Variants in C13orf42 observed in about 807,000 individuals in gnomAD.
The protein encoded by C13orf42 is chromosome 13 open reading frame 42.
rs934249443 is a variant in C13orf42 at position 51,136,039 on chromosome 13, C to T, written n.137-22817G>A. On this transcript the variant is annotated intron_variant and non_coding_transcript_variant, in intron 1 of 4. Coordinates refer to the C13orf42 transcript ENST00000433280. ...CCTCCACCCCTAGGGGCCAAGGTCA[C>T]GGGTGAGAGTTAAGAGTCCCATCCA... Among the ~76,000 whole-genome samples, 89 of 152,262 alleles carry T rather than the reference C, an allele frequency of 5.8e-4. No homozygotes were observed. In the Middle Eastern group the frequency reaches 0.014, roughly 23 times the overall value.
intron 1 of C13orf42, among the ~76,000 whole-genome samples, chr13:51,160,402 C>T (rs1199112612): frequency 1.3e-5 from 2 of 152,146 alleles, no homozygotes; most frequent in Admixed American, 6.5e-5. Flanking sequence ...CCCAGCTACT[C>T]GGGAGGCTGA....
At chr13:51,114,030 T>G (rs925447970), upstream of C13orf42, among the ~76,000 whole-genome samples, 1 of 152,212 alleles carries the variant, frequency 6.6e-6, no homozygotes, top group African/African-American at 2.4e-5. Flanking sequence ...TTCTCAAATG[T>G]AAAGTGCAGA....
intron 1 of C13orf42, chr13:51,161,788 A>C (rs993424505): frequency 3.2e-6 from 1 of 312,798 alleles, no homozygotes; most frequent in Admixed American, 3.6e-5. Context: ...TTGATTTCAG[A>C]ACCATAACCA....
chr13:51,133,340 T>C lies in C13orf42; in HGVS notation n.137-20118A>G, dbSNP rs547999401. 1.1e-4 allele frequency among the ~76,000 whole-genome samples: 17 copies of C among 152,204 alleles called. No individual in the cohort carries two copies. In the East Asian group the frequency reaches 2.9e-3, roughly 26 times the overall value. ...GAGAGGGGAGGACGGGGAGTTGCTA[T>C]TTAATAGGCACAGAGTTTCTGTTTG... On this transcript the variant is annotated intron_variant and non_coding_transcript_variant, in intron 1 of 4. Transcript: ENST00000433280.
At chr13:51,134,647 A>C (rs890638544) in intron 1 of C13orf42, among the ~76,000 whole-genome samples, 1 of 152,226 alleles carries the variant, frequency 6.6e-6, no homozygotes, top group Non-Finnish European at 1.5e-5. Flanking sequence ...CAGCATCAAA[A>C]ACCTGCTGGG....
chr13:51,128,177 A>G (rs569580133), intron 1 of C13orf42, among the ~76,000 whole-genome samples: 2 of 152,352 alleles, frequency 1.3e-5, no homozygotes, highest in African/African-American at 4.8e-5. Context: ...AATAACCATA[A>G]AAATGGGCAA....
chr13:51,123,977 C>A (rs2138016160), intron 1 of C13orf42, among the ~76,000 whole-genome samples: 1 of 152,302 alleles, frequency 6.6e-6, no homozygotes, highest in South Asian at 2.1e-4. Flanking sequence ...GGCTGGAATT[C>A]TAAATATTAC....
At chr13:51,133,329 G>A (rs1953633305) in intron 1 of C13orf42, among the ~76,000 whole-genome samples, 1 of 152,140 alleles carries the variant, frequency 6.6e-6, no homozygotes, top group African/African-American at 2.4e-5. Context: ...GGGGAGGACG[G>A]GGAGTTGCTA....
intron 1 of C13orf42, among the ~76,000 whole-genome samples, chr13:51,102,211 C>A (rs545575570): frequency 6.6e-6 from 1 of 152,162 alleles, no homozygotes; most frequent in African/African-American, 2.4e-5. Context: ...TCACAGAAAA[C>A]CTGCATTTTA....
At chr13:51,086,326 AC>A (rs1429874448) in intron 2 of C13orf42, among the ~76,000 whole-genome samples, 1 of 145,052 alleles carries the variant, frequency 6.9e-6, no homozygotes. Flanking sequence ...ACAAAAAAAA[AC>A]AAAAAAAAAA....
chr13:51,114,645 TAG>T (rs750768864), upstream of C13orf42, among the ~76,000 whole-genome samples: 51,891 of 117,682 alleles, frequency 0.44, 9,445 homozygotes, highest in East Asian at 0.51. Flanking sequence ...GATAGATAGA[TAG>T]AGATAGACAG....
chr13:51,096,357 T>A (rs1191904077), intron 1 of C13orf42, among the ~76,000 whole-genome samples: 2 of 152,188 alleles, frequency 1.3e-5, no homozygotes, highest in South Asian at 2.1e-4. Flanking sequence ...AGGCGCTGTG[T>A]CCCTGGGGAT....
intron 1 of C13orf42, among the ~76,000 whole-genome samples, chr13:51,122,069 T>G (rs1020223556): frequency 6.6e-6 from 1 of 152,120 alleles, no homozygotes; most frequent in South Asian, 2.1e-4. Context: ...TTTGAAGTCA[T>G]GTAGAAAAAG....
intron 1 of C13orf42, among the ~76,000 whole-genome samples, chr13:51,165,811 A>C (rs1953898262): frequency 6.6e-6 from 1 of 152,236 alleles, no homozygotes; most frequent in Non-Finnish European, 1.5e-5. Flanking sequence ...ATCTCTTCCC[A>C]ATGATAATAA....
chr13:51,162,156 A>C (rs1333225956), intron 1 of C13orf42: 1 of 257,292 alleles, frequency 3.9e-6, no homozygotes, highest in African/African-American at 2.3e-5. Flanking sequence ...GCCATCTCAC[A>C]AATGGTATCT....
chr13:51,134,345 A>G (rs1260575602), intron 1 of C13orf42, among the ~76,000 whole-genome samples: 1 of 152,100 alleles, frequency 6.6e-6, no homozygotes, highest in Non-Finnish European at 1.5e-5. Flanking sequence ...TGGGGTATGT[A>G]ATGAACTTGG....
At chr13:51,087,884 C>T in intron 2 of C13orf42, 44 bp downstream of exon 2, 1 of 398,892 alleles carries the variant, frequency 2.5e-6, no homozygotes, top group Non-Finnish European at 4.4e-6. Flanking sequence ...CACAGCCCCA[C>T]CCGCCTTCAG....
At chr13:51,086,501 TGTGAGA>T (rs1953128599) in intron 2 of C13orf42, among the ~76,000 whole-genome samples, 3 of 150,916 alleles carry the variant, frequency 2.0e-5, no homozygotes, top group Admixed American at 6.6e-5. Context: ...AGAGTGTGTG[TGTGAGA>T]GAGAGAGTGT....
chr13:51,084,019 C>T lies in C13orf42; in HGVS notation c.*132G>A. ...CTGTTTGGCACTGGCACGGCACCAG[C>T]AGGCAGTGTGCTGAGTGGGTTGACT... On this transcript the variant is annotated 3_prime_UTR_variant, in exon 4 of 4. Coordinates refer to ENST00000563710, the MANE Select transcript of C13orf42 (RefSeq NM_001351589.3). 1 of 395,530 alleles carries T rather than the reference C, an allele frequency of 2.5e-6. No individual in the cohort carries two copies. Among genetic ancestry groups the T allele is most frequent in the African/African-American group, 2.1e-5 (1 of 48,712 alleles). 24.5% of individuals were successfully genotyped at this position (395,530 alleles called of 1,614,324 possible). A position where few individuals can be genotyped will look rare whatever the true frequency, so the allele number is the denominator to read the frequency against.
Sources: gnomAD v4.1 joint callset for allele counts (sites outside exome capture counted in the v4.1 genomes callset) on GRCh38, gnomAD v4.1.1 for gene constraint, MANE v1.5 for transcripts, NCBI Gene and HGNC (gene_info 2026-07-23, HGNC 2026-07-21) for gene names.